CYP2C19: variants seen among roughly 807,000 people sequenced by gnomAD.
The protein encoded by CYP2C19 is cytochrome P450 2C19.
CYP2C19 carries 59 observed loss-of-function variants against 40.9 expected under a neutral mutation model. The observed-to-expected ratio is 1.44, with a 90% CI of 1.17 to 1.79. The LOEUF is 1.79. Among genes scored for constraint, CYP2C19 ranks in the 40% most tolerant of loss-of-function variants. The pLI is 0.00. For synonymous variants in CYP2C19, 253 were observed against 208.7 expected, an observed-to-expected ratio of 1.21 and a Z score of -1.83; for missense variants, 754 against 596.9, an observed-to-expected ratio of 1.26 and a Z score of -2.74.
At chr10:94,795,960 C>T (rs934112277) in intron 5 of CYP2C19, among the ~76,000 whole-genome samples, 2 of 152,114 alleles carry the variant, frequency 1.3e-5, no homozygotes, top group South Asian at 2.1e-4. Flanking sequence ...CCTATTCACT[C>T]TGATGGTAGT....
Position 94,768,140 on chromosome 10 carries a change from G to T in CYP2C19, c.168+5267G>T, listed in dbSNP as rs1848273444. On this transcript the variant is annotated intron_variant, in intron 1 of 8. Coordinates refer to ENST00000371321, the MANE Select transcript of CYP2C19 (RefSeq NM_000769.4). ...TTCCTTTCTTTCCATATTGCAGCAT[G>T]GGTATGTAGGATTAGATAAGCTACT... 2.0e-5 allele frequency among the ~76,000 whole-genome samples: 3 copies of T among 152,164 alleles called. No homozygotes were observed. The South Asian group carries it at 6.2e-4, about 31-fold the overall frequency.
chr10:94,775,341 T>A (rs761840665), intron 2 of CYP2C19, 49 bp from the exon 3 acceptor site: 2 of 1,612,614 alleles, frequency 1.2e-6, no homozygotes, highest in East Asian at 4.5e-5. Flanking sequence ...GTCAGCTTCC[T>A]CTTTCTTGCC....
chr10:94,850,041 T>G lies in CYP2C19; in HGVS notation c.1274T>G (p.Phe425Cys). 6.2e-7 allele frequency: 1 copy of G among 1,613,562 alleles called. No individual in the cohort carries two copies. The highest frequency in any genetic ancestry group is 2.2e-5 in the East Asian group (1 of 44,846). ...EGGNFKKSNY[F>C]MPFSAGKRIC... ...GGAAATTTTAAGAAAAGTAACTACTTCATGCCTTTCTCAGCAGGTAATATA... is the reference window on the plus strand; with the variant it reads ...GGAAATTTTAAGAAAAGTAACTACTGCATGCCTTTCTCAGCAGGTAATATA... Residue 425 changes from phenylalanine to cysteine, a missense_variant, in exon 8 of 9, where the codon TTC (phenylalanine) becomes TGC (cysteine). Physicochemically the swap from Phe to Cys is radical, Grantham distance 205. Transcript: ENST00000371321.
In CYP2C19 at chr10:94,800,263, T is replaced by G. The variant is rs112165938; in HGVS notation, c.819+18266T>G. On this transcript the variant is annotated intron_variant, in intron 5 of 8. Coordinates refer to ENST00000371321, the MANE Select transcript of CYP2C19 (RefSeq NM_000769.4). ...GTTTTTCTTCTAACCATCATGTCCC[T>G]CAGCTGCAGGTCTGTTGGAGTTTGT... Among the ~76,000 whole-genome samples, 394 of 152,368 alleles carry G rather than the reference T, an allele frequency of 2.6e-3. 2 individuals carry two copies. The highest frequency in any genetic ancestry group is 8.3e-3 in the African/African-American group (346 of 41,592).
In CYP2C19 at chr10:94,853,892, A is replaced by G. The variant is rs1414422292; in HGVS notation, c.*978A>G. Among the ~76,000 whole-genome samples the G allele has an allele frequency of 6.6e-6, 1 of 152,162 alleles. No individual in the cohort carries two copies. Among genetic ancestry groups the G allele is most frequent in the East Asian group, 1.9e-4 (1 of 5,192 alleles). The stretch of plus-strand genomic sequence containing the variant: ...TTACTTTATCTCTAAATAAAGAATC[A>G]GGTTACTTTTATTACTTCATGTTTC... On this transcript the variant is annotated 3_prime_UTR_variant, in exon 9 of 9. Transcript: ENST00000371321.
intron 5 of CYP2C19, among the ~76,000 whole-genome samples, chr10:94,789,038 C>T (rs1848575827): frequency 6.6e-6 from 1 of 152,132 alleles, no homozygotes; most frequent in South Asian, 2.1e-4. Context: ...GTTCGCCATT[C>T]TAACTGGCAT....
intron 6 of CYP2C19, among the ~76,000 whole-genome samples, chr10:94,827,068 A>T (rs1301309873): frequency 6.6e-6 from 1 of 151,918 alleles, no homozygotes; most frequent in Non-Finnish European, 1.5e-5. Context: ...GTTTGCCAGT[A>T]TTTTATTGAG....
chr10:94,808,331 T>A (rs1161307146), intron 5 of CYP2C19, among the ~76,000 whole-genome samples: 1 of 152,142 alleles, frequency 6.6e-6, no homozygotes, highest in East Asian at 1.9e-4. Flanking sequence ...ATATATTTGA[T>A]GGGTACATGA....
intron 5 of CYP2C19, among the ~76,000 whole-genome samples, chr10:94,788,430 G>T (rs936764567): frequency 3.9e-5 from 6 of 151,994 alleles, no homozygotes; most frequent in East Asian, 1.9e-4. Flanking sequence ...AAGTTCTGGG[G>T]TACATCTGCA....
chr10:94,801,849 C>G (rs1396878149), intron 5 of CYP2C19, among the ~76,000 whole-genome samples: 2 of 152,100 alleles, frequency 1.3e-5, no homozygotes, highest in Non-Finnish European at 2.9e-5. Flanking sequence ...CCTTCTGGTG[C>G]GTTCGTGGTC....
At position 94,775,541 on chromosome 10, in the gene CYP2C19, T is replaced by C; in HGVS notation, c.481+2T>C. ...TGGAGGAGTTGAGAAAAACCAAGGG[T>C]GGGTGAACATACTCTCTATCACTGA... On this transcript the variant is annotated splice_donor_variant, in intron 3 of 8. Coordinates refer to ENST00000371321, the MANE Select transcript of CYP2C19 (RefSeq NM_000769.4). LOFTEE classifies it high-confidence loss of function. 6.2e-7 allele frequency: 1 copy of C among 1,613,748 alleles called. No individual in the cohort carries two copies. The highest frequency in any genetic ancestry group is 8.5e-7 in the Non-Finnish European group (1 of 1,179,822).
chr10:94,795,455 A>G (rs1176230367), intron 5 of CYP2C19, among the ~76,000 whole-genome samples: 1 of 152,078 alleles, frequency 6.6e-6, no homozygotes, highest in Non-Finnish European at 1.5e-5. Context: ...ATAGTGCCGC[A>G]ATAAATGTAC....
rs559391915 is a variant in CYP2C19 at position 94,796,731 on chromosome 10, T to C, written c.819+14734T>C. 3.3e-5 allele frequency among the ~76,000 whole-genome samples: 5 copies of C among 152,278 alleles called. No individual in the cohort carries two copies. In the South Asian group the frequency reaches 1.0e-3, roughly 32 times the overall value. ...TTAACATCACTCCTAAGTTGGATTCTTAGGTATTTTACTCTCTTTGAAGCA... is the reference window on the plus strand; with the variant it reads ...TTAACATCACTCCTAAGTTGGATTCCTAGGTATTTTACTCTCTTTGAAGCA... On this transcript the variant is annotated intron_variant, in intron 5 of 8. Transcript: ENST00000371321.
At chr10:94,822,860 G>A (rs953164752) in intron 6 of CYP2C19, among the ~76,000 whole-genome samples, 1 of 151,848 alleles carries the variant, frequency 6.6e-6, no homozygotes, top group Non-Finnish European at 1.5e-5. Flanking sequence ...TATGTTTGTT[G>A]GCTGCTTGTA....
intron 1 of CYP2C19, among the ~76,000 whole-genome samples, chr10:94,768,802 T>C (rs1246145826): frequency 6.6e-6 from 1 of 152,128 alleles, no homozygotes; most frequent in Non-Finnish European, 1.5e-5. Context: ...ATCCCTGCTC[T>C]CTCTGTGACG....
At chr10:94,772,400 G>A (rs546621602) in intron 1 of CYP2C19, among the ~76,000 whole-genome samples, 1 of 152,292 alleles carries the variant, frequency 6.6e-6, no homozygotes, top group East Asian at 1.9e-4. Flanking sequence ...GGAGAAACTA[G>A]AAAAGCACCA....
At chr10:94,836,734 C>T (rs1849409481) in intron 6 of CYP2C19, among the ~76,000 whole-genome samples, 2 of 152,234 alleles carry the variant, frequency 1.3e-5, no homozygotes, top group Admixed American at 6.5e-5. Flanking sequence ...AGCATTTAAC[C>T]TGCTGTGAGC....
At chr10:94,807,986 C>T (rs1848859306) in intron 5 of CYP2C19, among the ~76,000 whole-genome samples, 2 of 152,126 alleles carry the variant, frequency 1.3e-5, no homozygotes, top group South Asian at 4.2e-4. Flanking sequence ...TGTTTTTCTT[C>T]TAGTAGTTTC....
chr10:94,818,012 CAAAAA>C (rs71031597), intron 5 of CYP2C19, among the ~76,000 whole-genome samples: 9 of 77,160 alleles, frequency 1.2e-4, no homozygotes, highest in Non-Finnish European at 1.7e-4. Flanking sequence ...GACTCCATCT[CAAAAA>C]AAAAAAAAAA....
Sources: allele counts gnomAD v4.1 joint callset (sites outside exome capture counted in the v4.1 genomes callset), GRCh38; gene constraint gnomAD v4.1.1; transcripts MANE v1.5; gene names NCBI Gene and HGNC (gene_info 2026-07-23, HGNC 2026-07-21).